NRG1: variants seen among roughly 807,000 people sequenced by gnomAD.
NRG1 encodes the protein pro-neuregulin-1, membrane-bound isoform.
A neutral mutation model predicts 63.8 loss-of-function variants in NRG1; 18 were observed. The observed-to-expected ratio is 0.28, with a 90% CI of 0.19 to 0.42. NRG1 has a LOEUF of 0.42. Ranked by LOEUF, NRG1 falls within the 10% of genes least tolerant of loss-of-function variation. The probability of loss-of-function intolerance (pLI) is 1.00; values close to 1 mark genes in which losing one functional copy is unlikely to be tolerated. For missense variants in NRG1, 762 were observed against 814.7 expected (o/e 0.94, Z 0.79); for synonymous variants, 302 against 301.3 (o/e 1.00, Z -0.02).
intron 1 of NRG1, among the ~76,000 whole-genome samples, chr8:31,676,485 G>C (rs1396555328): frequency 6.6e-6 from 1 of 152,082 alleles, no homozygotes; most frequent in Non-Finnish European, 1.5e-5. Flanking sequence ...CTATGGCTTA[G>C]ACCATTTAGG....
intron 1 of NRG1, among the ~76,000 whole-genome samples, chr8:32,475,252 G>A (rs1301785761): frequency 6.6e-6 from 1 of 151,914 alleles, no homozygotes; most frequent in African/African-American, 2.4e-5. Flanking sequence ...GGATCACGAG[G>A]TCAAGAGATC....
chr8:32,447,353 C>T (rs778711319), intron 1 of NRG1, among the ~76,000 whole-genome samples: 55 of 152,196 alleles, frequency 3.6e-4, no homozygotes, highest in Non-Finnish European at 6.9e-4. Context: ...TTGTCTCATC[C>T]TTCTCTTGGT....
intron 1 of NRG1, among the ~76,000 whole-genome samples, chr8:32,322,381 A>G (rs953071011): frequency 2.0e-5 from 3 of 150,194 alleles, no homozygotes; most frequent in Non-Finnish European, 3.0e-5. Context: ...ATATATACCC[A>G]TTAATTTGAT....
chr8:32,149,077 C>A (rs1837212847), intron 1 of NRG1, among the ~76,000 whole-genome samples: 1 of 152,200 alleles, frequency 6.6e-6, no homozygotes, highest in South Asian at 2.1e-4. Flanking sequence ...GGGCAAGCAA[C>A]ACCATGAACC....
At chr8:32,541,770 G>A (rs999288507) in intron 1 of NRG1, among the ~76,000 whole-genome samples, 4 of 152,094 alleles carry the variant, frequency 2.6e-5, no homozygotes, top group African/African-American at 9.7e-5. Flanking sequence ...CACAGAAAAT[G>A]ACCGCCAAGT....
At chr8:31,641,669 T>C (rs1299493756) in intron 1 of NRG1, 1 of 152,224 alleles carries the variant, frequency 6.6e-6, no homozygotes, top group African/African-American at 2.4e-5. Flanking sequence ...CTGATTACTA[T>C]ATAATCACTA....
intron 1 of NRG1, among the ~76,000 whole-genome samples, chr8:31,710,776 T>C (rs1811660839): frequency 6.6e-6 from 1 of 152,114 alleles, no homozygotes; most frequent in Non-Finnish European, 1.5e-5. Flanking sequence ...TCTCATTCAA[T>C]CTAAATATCT....
At chr8:32,681,576 C>T (rs542146665) in intron 5 of NRG1, among the ~76,000 whole-genome samples, 4 of 152,140 alleles carry the variant, frequency 2.6e-5, no homozygotes, top group Non-Finnish European at 2.9e-5. Context: ...ATATTGATAA[C>T]AGCATCTTTT....
intron 1 of NRG1, among the ~76,000 whole-genome samples, chr8:32,363,701 T>C (rs928609828): frequency 6.6e-6 from 1 of 152,146 alleles, no homozygotes; most frequent in African/African-American, 2.4e-5. Context: ...CTTTAAAAAG[T>C]TATCTCTGTT....
chr8:32,121,195 G>A (rs28567733), intron 1 of NRG1, among the ~76,000 whole-genome samples: 16,340 of 152,058 alleles, frequency 0.11, 1,424 homozygotes, highest in East Asian at 0.31. Context: ...AAGGAAAATT[G>A]TGTTTACAGC....
chr8:32,402,224 T>C (rs541323085), intron 1 of NRG1, among the ~76,000 whole-genome samples: 1 of 152,134 alleles, frequency 6.6e-6, no homozygotes, highest in African/African-American at 2.4e-5. Context: ...AAAAGTTTTT[T>C]TAAAAAGAGA....
At chr8:31,834,011 G>A (rs769888274) in intron 1 of NRG1, among the ~76,000 whole-genome samples, 1 of 152,160 alleles carries the variant, frequency 6.6e-6, no homozygotes, top group Admixed American at 6.5e-5. Flanking sequence ...TGGCTTGCAG[G>A]TGGGTTCTTG....
At chr8:31,665,719 T>A (rs560675211) in intron 1 of NRG1, among the ~76,000 whole-genome samples, 7 of 152,330 alleles carry the variant, frequency 4.6e-5, no homozygotes, top group Non-Finnish European at 8.8e-5. Context: ...TTATTTTTTT[T>A]AATTTTTATT....
chr8:31,890,663 C>G (rs1446281334), intron 1 of NRG1, among the ~76,000 whole-genome samples: 1 of 152,128 alleles, frequency 6.6e-6, no homozygotes, highest in Non-Finnish European at 1.5e-5. Flanking sequence ...GCTAATGAAA[C>G]TTTAGAATAC....
chr8:32,500,793 T>C (rs184618507), intron 1 of NRG1, among the ~76,000 whole-genome samples: 9 of 152,302 alleles, frequency 5.9e-5, no homozygotes, highest in South Asian at 2.1e-4. Flanking sequence ...ATCCAGAAGA[T>C]AGAACATTAA....
intron 1 of NRG1, among the ~76,000 whole-genome samples, chr8:31,817,087 G>C (rs1345832341): frequency 6.6e-6 from 1 of 152,182 alleles, no homozygotes; most frequent in African/African-American, 2.4e-5. Context: ...CCTCTAAGCA[G>C]TGCTTGCATA....
At chr8:31,997,090 A>T (rs1812110536) in intron 1 of NRG1, among the ~76,000 whole-genome samples, 1 of 151,916 alleles carries the variant, frequency 6.6e-6, no homozygotes, top group Non-Finnish European at 1.5e-5. Flanking sequence ...CATATTGGTA[A>T]ATATTGATTT....
intron 1 of NRG1, among the ~76,000 whole-genome samples, chr8:32,252,210 T>C (rs1452002675): frequency 6.6e-6 from 1 of 152,190 alleles, no homozygotes. Flanking sequence ...TTAGATCCTG[T>C]TCATCAATTT....
intron 1 of NRG1, among the ~76,000 whole-genome samples, chr8:32,584,537 A>G (rs753053778): frequency 2.5e-4 from 38 of 152,190 alleles, no homozygotes; most frequent in Admixed American, 5.2e-4. Context: ...ACGAGTAAAG[A>G]AGGCTTTCAA....
Sources: gnomAD v4.1 joint callset for allele counts (sites outside exome capture counted in the v4.1 genomes callset) on GRCh38, gnomAD v4.1.1 for gene constraint, MANE v1.5 for transcripts, NCBI Gene and HGNC (gene_info 2026-07-23, HGNC 2026-07-21) for gene names.